MROH9: variants seen among roughly 807,000 people sequenced by gnomAD.
MROH9 encodes the protein maestro heat like repeat family member 9.
MROH9 carries 92 observed loss-of-function variants against 98.2 expected under a neutral mutation model. That is an observed-to-expected ratio of 0.94 (90% CI 0.79 to 1.11). The LOEUF (loss-of-function observed/expected upper bound fraction) is 1.11, where lower values mean the gene tolerates loss of function less well. Ranked by LOEUF, MROH9 falls within the 50% of genes most tolerant of loss-of-function variation. MROH9 has a pLI of 0.00. For synonymous variants in MROH9, 397 were observed against 368.9 expected, an observed-to-expected ratio of 1.08 and a Z score of -0.87; for missense variants, 1,057 against 1,014.8, an observed-to-expected ratio of 1.04 and a Z score of -0.57.
chr1:170,992,070 T>C (rs1651376567), intron 11 of MROH9, 94 bp from the exon 12 acceptor site: 2 of 1,348,442 alleles, frequency 1.5e-6, no homozygotes, highest in Admixed American at 6.3e-5. Context: ...TATAAAAATG[T>C]AAAACCAAGA....
chr1:171,016,519 C>G (rs540998692), intron 17 of MROH9, among the ~76,000 whole-genome samples, 183 bp downstream of exon 17: 7 of 151,638 alleles, frequency 4.6e-5, no homozygotes, highest in African/African-American at 1.7e-4. Context: ...CTGTGAGAAC[C>G]TGGGGAAGAA....
At chr1:171,008,221 G>A (rs976876384) in intron 15 of MROH9, among the ~76,000 whole-genome samples, 2 of 152,036 alleles carry the variant, frequency 1.3e-5, no homozygotes, top group African/African-American at 4.8e-5. Context: ...TTTATTGACT[G>A]TATTTTGACA....
At chr1:171,037,706 A>G (rs1256317184) in intron 20 of MROH9, among the ~76,000 whole-genome samples, 1 of 152,028 alleles carries the variant, frequency 6.6e-6, no homozygotes, top group Non-Finnish European at 1.5e-5. Context: ...ACATCAATAT[A>G]GCTTTAGTAA....
chr1:170,958,416 A>G, intron 3 of MROH9, 45 bp from the exon 4 acceptor site: 3 of 1,231,158 alleles, frequency 2.4e-6, no homozygotes, highest in Non-Finnish European at 3.5e-6. Flanking sequence ...CTGCTCTGTA[A>G]TCATTAATTC....
intron 8 of MROH9, among the ~76,000 whole-genome samples, chr1:170,975,750 C>A (rs148932470): frequency 6.6e-6 from 1 of 152,250 alleles, no homozygotes; most frequent in East Asian, 1.9e-4. Flanking sequence ...GTGTGGGATG[C>A]TGAAATCTCT....
At chr1:170,972,681 A>G (rs1356537890) in intron 8 of MROH9, among the ~76,000 whole-genome samples, 1 of 151,772 alleles carries the variant, frequency 6.6e-6, no homozygotes, top group East Asian at 1.9e-4. Flanking sequence ...GTGTGGTGGC[A>G]GGCACCTGTA....
chr1:170,953,286 A>C (rs1392900311), intron 3 of MROH9, among the ~76,000 whole-genome samples: 2 of 152,026 alleles, frequency 1.3e-5, no homozygotes, highest in Admixed American at 1.3e-4. Context: ...TTCTCTCAGT[A>C]TATGGTTTGT....
intron 8 of MROH9, among the ~76,000 whole-genome samples, chr1:170,980,171 T>C (rs1246810647): frequency 6.6e-6 from 1 of 152,144 alleles, no homozygotes; most frequent in East Asian, 1.9e-4. Context: ...CCTAAAGTAA[T>C]TTATAGATTC....
chr1:170,961,708 C>G (rs767939850), intron 5 of MROH9, among the ~76,000 whole-genome samples, 182 bp from the exon 6 acceptor site: 60 of 152,052 alleles, frequency 3.9e-4, no homozygotes, highest in East Asian at 2.5e-3. Context: ...TGAGATAATG[C>G]TAAAATTCTT....
intron 8 of MROH9, among the ~76,000 whole-genome samples, chr1:170,979,704 G>A (rs1342963884): frequency 1.3e-5 from 2 of 152,088 alleles, no homozygotes; most frequent in Non-Finnish European, 2.9e-5. Flanking sequence ...GCCACAGACT[G>A]GGAGAAAATA....
chr1:170,957,178 T>C (rs1649797791), intron 3 of MROH9, among the ~76,000 whole-genome samples: 1 of 152,174 alleles, frequency 6.6e-6, no homozygotes, highest in Non-Finnish European at 1.5e-5. Context: ...TAGTTTGATG[T>C]AGTCCCACTT....
intron 1 of MROH9, among the ~76,000 whole-genome samples, chr1:170,935,875 C>T (rs991095036): frequency 1.3e-5 from 2 of 149,688 alleles, no homozygotes; most frequent in African/African-American, 4.9e-5. Flanking sequence ...GCCTGTAATC[C>T]CAGCTACTCA....
In MROH9 at chr1:170,986,686, A is replaced by G. The variant is rs369318421; in HGVS notation, c.855A>G (p.Glu285=). ...CATCCATACTGATATTTACTCTGGAATTTCATGCCGAGAAGGTCACCATGG... is the reference window on the plus strand; with the variant it reads ...CATCCATACTGATATTTACTCTGGAGTTTCATGCCGAGAAGGTCACCATGG... ...DAASILIFTL[E]FHAEKVTMVS... The change falls in exon 10 of 22, where the codon GAA becomes GAG. Residue 285 remains glutamate, a synonymous_variant. Coordinates refer to ENST00000367759, the MANE Select transcript of MROH9 (RefSeq NM_001163629.2). The G allele has an allele frequency of 1.4e-5, 22 of 1,613,884 alleles. No individual in the cohort carries two copies. The highest frequency in any genetic ancestry group is 1.8e-5 in the Non-Finnish European group (21 of 1,179,860).
intron 20 of MROH9, among the ~76,000 whole-genome samples, chr1:171,045,933 C>G (rs145829908): frequency 1.3e-5 from 2 of 152,194 alleles, no homozygotes; most frequent in East Asian, 3.9e-4. Flanking sequence ...CCATCTCTCT[C>G]TTTCACTCTA....
chr1:171,061,090 A>G (rs1653996964), intron 20 of MROH9, among the ~76,000 whole-genome samples: 1 of 152,200 alleles, frequency 6.6e-6, no homozygotes, highest in African/African-American at 2.4e-5. Context: ...TTCACAAAAG[A>G]AGACATCCAA....
At chr1:170,970,822 G>A (rs1650430167) in intron 7 of MROH9, among the ~76,000 whole-genome samples, 1 of 151,488 alleles carries the variant, frequency 6.6e-6, no homozygotes, top group African/African-American at 2.4e-5. Context: ...GGGAAAATGG[G>A]GCATGAAAAA....
chr1:171,062,433 T>A (rs1237058167), intron 21 of MROH9, among the ~76,000 whole-genome samples: 1 of 152,220 alleles, frequency 6.6e-6, no homozygotes, highest in Non-Finnish European at 1.5e-5. Flanking sequence ...CTCCATGTAT[T>A]CCACTAATTG....
At chr1:171,015,697 T>C (rs1447690540) in intron 16 of MROH9, among the ~76,000 whole-genome samples, 5 of 152,046 alleles carry the variant, frequency 3.3e-5, no homozygotes, top group African/African-American at 4.8e-5. Context: ...CTGCTAGTAG[T>C]GTGTTAGTAA....
intron 20 of MROH9, among the ~76,000 whole-genome samples, chr1:171,057,236 T>G (rs767136972): frequency 1.1e-4 from 17 of 152,188 alleles, no homozygotes; most frequent in South Asian, 4.1e-4. Context: ...TTAGAGGAGC[T>G]GCTAACTAGA....
Sources: allele counts gnomAD v4.1 joint callset (sites outside exome capture counted in the v4.1 genomes callset), GRCh38; gene constraint gnomAD v4.1.1; transcripts MANE v1.5; gene names NCBI Gene and HGNC (gene_info 2026-07-23, HGNC 2026-07-21).